ZRANB3: variants seen among roughly 807,000 people sequenced by gnomAD.
The protein encoded by ZRANB3 is zinc finger RANBP2-type containing 3.
A neutral mutation model predicts 133.8 loss-of-function variants in ZRANB3; 125 were observed. That is an observed-to-expected ratio of 0.93 (90% CI 0.81 to 1.08). ZRANB3 has a LOEUF of 1.08. ZRANB3 is among the 50% of genes least tolerant of loss of function. The probability of loss-of-function intolerance (pLI) is 0.00; values close to 1 mark genes in which losing one functional copy is unlikely to be tolerated. For missense variants in ZRANB3, 1,229 were observed against 1,275.5 expected, an observed-to-expected ratio of 0.96 and a Z score of 0.56; for synonymous variants, 387 against 432.7, an observed-to-expected ratio of 0.89 and a Z score of 1.31.
At chr2:135,339,813 T>G (rs763477771) in intron 6 of ZRANB3, among the ~76,000 whole-genome samples, 15 of 152,224 alleles carry the variant, frequency 9.9e-5, no homozygotes, top group Non-Finnish European at 2.1e-4. Context: ...TTGTTTACAT[T>G]TTTTGCACAT....
intron 2 of ZRANB3, among the ~76,000 whole-genome samples, chr2:135,463,812 G>A (rs766729660): frequency 2.0e-5 from 3 of 152,168 alleles, no homozygotes; most frequent in African/African-American, 7.2e-5. Flanking sequence ...ATTGACAGAA[G>A]TGTACCTTAG....
At chr2:135,437,160 A>G (rs1689571947) in intron 2 of ZRANB3, among the ~76,000 whole-genome samples, 1 of 152,112 alleles carries the variant, frequency 6.6e-6, no homozygotes, top group Non-Finnish European at 1.5e-5. Flanking sequence ...GGGTTTCTCT[A>G]TGTTGGTCAG....
At chr2:135,200,528 A>G (rs1249052661) in intron 20 of ZRANB3, 88 bp from the exon 21 acceptor site, 3 of 1,119,234 alleles carry the variant, frequency 2.7e-6, no homozygotes, top group Non-Finnish European at 3.9e-6. Flanking sequence ...GTTAGTTTGG[A>G]AAATCTACAG....
chr2:135,237,492 G>C (rs1573734155), intron 12 of ZRANB3, among the ~76,000 whole-genome samples: 1 of 151,528 alleles, frequency 6.6e-6, no homozygotes, highest in Non-Finnish European at 1.5e-5. Context: ...ACATGCACAC[G>C]TATGTTTATT....
intron 20 of ZRANB3, among the ~76,000 whole-genome samples, chr2:135,201,476 A>C (rs1695585570): frequency 6.6e-6 from 1 of 152,090 alleles, no homozygotes; most frequent in Admixed American, 6.6e-5. Flanking sequence ...AACATGGTGA[A>C]ACCCCGTCTC....
chr2:135,204,716 T>TTATTATATATTATTATAAATATATA (rs1553454903), intron 19 of ZRANB3, among the ~76,000 whole-genome samples: 3 of 145,146 alleles, frequency 2.1e-5, no homozygotes, highest in African/African-American at 7.6e-5. Context: ...ATTATATGTT[T>TTATTATATATTATTATAAATATATA]TATTATATAT....
In ZRANB3 at chr2:135,351,879, C is replaced by G. The variant is rs113658264; in HGVS notation, c.359+1571G>C. Among the ~76,000 whole-genome samples, 452 of 152,290 alleles carry G rather than the reference C, an allele frequency of 3.0e-3. 3 individuals carry two copies. The highest frequency in any genetic ancestry group is 0.01 in the African/African-American group (421 of 41,556). ...AGGAAACTTATACTCTGGAGTTGTACTCCTATCTAACATATCCCAAATACT... is the reference window on the plus strand; with the variant it reads ...AGGAAACTTATACTCTGGAGTTGTAGTCCTATCTAACATATCCCAAATACT... On this transcript the variant is annotated intron_variant, in intron 4 of 20. Transcript: ENST00000264159.
chr2:135,514,201 GA>G (rs1466352208), intron 1 of ZRANB3, among the ~76,000 whole-genome samples: 1 of 152,120 alleles, frequency 6.6e-6, no homozygotes, highest in East Asian at 1.9e-4. Context: ...GCTTGATGGG[GA>G]TAGCATTGAA....
intron 2 of ZRANB3, among the ~76,000 whole-genome samples, chr2:135,394,599 G>T (rs1233249502): frequency 6.6e-6 from 1 of 152,002 alleles, no homozygotes; most frequent in Non-Finnish European, 1.5e-5. Flanking sequence ...TGTTAACTGG[G>T]TATAGAGTTT....
chr2:135,398,667 C>T lies in ZRANB3; in HGVS notation c.162-7847G>A, dbSNP rs375681688. ...CGGAGTAGCTGGCACTATAGGCGCC[C>T]GCCACCATGCCCAGCTAATTTTTTT... On this transcript the variant is annotated intron_variant, in intron 2 of 20. Transcript: ENST00000264159. 8.6e-5 allele frequency among the ~76,000 whole-genome samples: 13 copies of T among 151,360 alleles called. No homozygotes were observed. In the South Asian group the frequency reaches 1.5e-3, roughly 17 times the overall value.
chr2:135,306,312 G>T (rs1682697683), intron 8 of ZRANB3, among the ~76,000 whole-genome samples: 1 of 143,616 alleles, frequency 7.0e-6, no homozygotes, highest in Admixed American at 7.1e-5. Flanking sequence ...TTCTGAGGTG[G>T]AGTCTCACTC....
At chr2:135,486,378 G>A (rs1692121603) in intron 2 of ZRANB3, among the ~76,000 whole-genome samples, 2 of 152,120 alleles carry the variant, frequency 1.3e-5, no homozygotes, top group African/African-American at 2.4e-5. Context: ...TGCTTTCTTT[G>A]CTCATCCATA....
intron 8 of ZRANB3, among the ~76,000 whole-genome samples, chr2:135,303,205 A>AT (rs962185261): frequency 2.0e-5 from 3 of 152,002 alleles, no homozygotes; most frequent in Non-Finnish European, 4.4e-5. Context: ...GTATATATAT[A>AT]TTTTTTACCA....
intron 17 of ZRANB3, among the ~76,000 whole-genome samples, chr2:135,216,026 T>C (rs1172088600): frequency 6.6e-6 from 1 of 152,024 alleles, no homozygotes; most frequent in Non-Finnish European, 1.5e-5. Context: ...GGTATCCTTC[T>C]AGACAATTTC....
chr2:135,206,186 A>C (rs1693849606), intron 19 of ZRANB3, among the ~76,000 whole-genome samples: 1 of 152,210 alleles, frequency 6.6e-6, no homozygotes, highest in Non-Finnish European at 1.5e-5. Flanking sequence ...ATTATAATCA[A>C]ATATACTATG....
intron 2 of ZRANB3, among the ~76,000 whole-genome samples, chr2:135,502,492 T>C (rs1438142767): frequency 6.6e-6 from 1 of 152,220 alleles, no homozygotes; most frequent in African/African-American, 2.4e-5. Flanking sequence ...ACCACAGTAA[T>C]TAGGATTATA....
At chr2:135,239,096 C>T (rs1695436484) in intron 12 of ZRANB3, among the ~76,000 whole-genome samples, 1 of 152,120 alleles carries the variant, frequency 6.6e-6, no homozygotes. Flanking sequence ...ATAACTAAGA[C>T]AGACCCTGTA....
chr2:135,360,206 C>A (rs1685610725), intron 3 of ZRANB3, among the ~76,000 whole-genome samples: 1 of 151,384 alleles, frequency 6.6e-6, no homozygotes, highest in African/African-American at 2.4e-5. Flanking sequence ...TGATGAAACC[C>A]CGTCTCTATG....
At chr2:135,454,174 C>T (rs114779250) in intron 2 of ZRANB3, among the ~76,000 whole-genome samples, 1,674 of 152,276 alleles carry the variant, frequency 0.011, 15 homozygotes, top group Middle Eastern at 0.044. Flanking sequence ...CAGTTACCTC[C>T]CACTGGGTCC....
Sources: allele counts gnomAD v4.1 joint callset (sites outside exome capture counted in the v4.1 genomes callset), GRCh38; gene constraint gnomAD v4.1.1; transcripts MANE v1.5; gene names NCBI Gene and HGNC (gene_info 2026-07-23, HGNC 2026-07-21).